CTNNA2: variants seen among roughly 807,000 people sequenced by gnomAD.
CTNNA2 encodes catenin alpha-2.
A neutral mutation model predicts 101.0 loss-of-function variants in CTNNA2; 42 were observed. The ratio of observed to expected loss-of-function variants is 0.42; its 90% confidence interval spans 0.32 to 0.54. The LOEUF (loss-of-function observed/expected upper bound fraction) is 0.54. CTNNA2 is among the 20% of genes least tolerant of loss of function. The probability of loss-of-function intolerance (pLI) is 0.14; values close to 1 mark genes in which losing one functional copy is unlikely to be tolerated. For missense variants in CTNNA2, 871 were observed against 1,223.1 expected (o/e 0.71, Z 4.29); for synonymous variants, 450 against 456.4 (o/e 0.99, Z 0.18).
chr2:79,631,626 AT>A (rs1346304560), intron 1 of CTNNA2, among the ~76,000 whole-genome samples: 1 of 152,212 alleles, frequency 6.6e-6, no homozygotes, highest in Non-Finnish European at 1.5e-5. Context: ...AACTCTCAGT[AT>A]ACAAAAAAGG....
intron 5 of CTNNA2, among the ~76,000 whole-genome samples, chr2:79,507,910 C>T (rs1671448984): frequency 6.6e-6 from 1 of 152,188 alleles, no homozygotes; most frequent in South Asian, 2.1e-4. Context: ...GCTTTTCACC[C>T]AGCACACGCC....
At chr2:80,376,808 A>G (rs1273202901) in intron 7 of CTNNA2, among the ~76,000 whole-genome samples, 1 of 152,146 alleles carries the variant, frequency 6.6e-6, no homozygotes, top group African/African-American at 2.4e-5. Context: ...CCCTTCCTTG[A>G]TATGCCAAGT....
At chr2:80,115,175 G>A (rs1169124911) in intron 7 of CTNNA2, among the ~76,000 whole-genome samples, 2 of 152,206 alleles carry the variant, frequency 1.3e-5, no homozygotes, top group Non-Finnish European at 2.9e-5. Flanking sequence ...TGCTTTGTGA[G>A]CTGCCAGTTT....
chr2:79,716,415 A>G (rs1417219224), intron 2 of CTNNA2, among the ~76,000 whole-genome samples: 2 of 152,082 alleles, frequency 1.3e-5, no homozygotes, highest in African/African-American at 2.4e-5. Context: ...TCCATTAGCT[A>G]TGTAAGCTAT....
At chr2:79,658,694 A>G (rs1261921895) in intron 2 of CTNNA2, among the ~76,000 whole-genome samples, 1 of 151,910 alleles carries the variant, frequency 6.6e-6, no homozygotes, top group Admixed American at 6.6e-5. Context: ...TTTTTTTAAT[A>G]GAAGATGAAC....
At chr2:79,696,710 G>A (rs762091285) in intron 2 of CTNNA2, among the ~76,000 whole-genome samples, 2 of 152,020 alleles carry the variant, frequency 1.3e-5, no homozygotes, top group Non-Finnish European at 2.9e-5. Context: ...AATTGGCAAT[G>A]AAAATGAGAT....
At chr2:79,318,480 G>C (rs1186197446) in intron 3 of CTNNA2, among the ~76,000 whole-genome samples, 1 of 152,168 alleles carries the variant, frequency 6.6e-6, no homozygotes, top group African/African-American at 2.4e-5. Flanking sequence ...AAGAAACATT[G>C]ATTGATGTTG....
At chr2:79,839,872 A>C (rs1468667494) in intron 3 of CTNNA2, among the ~76,000 whole-genome samples, 1 of 152,120 alleles carries the variant, frequency 6.6e-6, no homozygotes, top group African/African-American at 2.4e-5. Flanking sequence ...TGGATTGTTA[A>C]TTCTGCCACT....
chr2:79,318,194 T>C (rs1676540677), intron 3 of CTNNA2, among the ~76,000 whole-genome samples: 1 of 152,160 alleles, frequency 6.6e-6, no homozygotes, highest in Non-Finnish European at 1.5e-5. Flanking sequence ...ACATAATGCA[T>C]GCATATATAA....
intron 1 of CTNNA2, among the ~76,000 whole-genome samples, chr2:79,556,911 T>A (rs748437273): frequency 6.6e-6 from 1 of 152,020 alleles, no homozygotes; most frequent in Non-Finnish European, 1.5e-5. Context: ...TTTGAGTCAC[T>A]TAATTTACCC....
chr2:79,907,175 A>G (rs906886004), intron 6 of CTNNA2, among the ~76,000 whole-genome samples: 6 of 152,188 alleles, frequency 3.9e-5, no homozygotes, highest in Non-Finnish European at 5.9e-5. Flanking sequence ...AGCAGAACAT[A>G]TGGTTTTCAT....
At chr2:80,333,860 T>G (rs1188343789) in intron 7 of CTNNA2, among the ~76,000 whole-genome samples, 5 of 152,212 alleles carry the variant, frequency 3.3e-5, no homozygotes, top group Admixed American at 3.3e-4. Flanking sequence ...TGGCCTCAAG[T>G]GATCCGCCTG....
chr2:79,214,110 G>A (rs1385978274), intron 2 of CTNNA2, among the ~76,000 whole-genome samples: 1 of 152,162 alleles, frequency 6.6e-6, no homozygotes, highest in Admixed American at 6.5e-5. Context: ...GACACAATCA[G>A]CAGGGAGAGC....
At chr2:79,702,360 A>G (rs1259799567) in intron 2 of CTNNA2, among the ~76,000 whole-genome samples, 1 of 152,224 alleles carries the variant, frequency 6.6e-6, no homozygotes, top group Middle Eastern at 3.4e-3. Flanking sequence ...TTCATGTTGT[A>G]TATGGCTACT....
chr2:79,245,254 C>T lies in CTNNA2; in HGVS notation c.-406+47178C>T, dbSNP rs184955988. Among the ~76,000 whole-genome samples the T allele has an allele frequency of 4.6e-5, 7 of 152,242 alleles. No homozygotes were observed. The East Asian group carries it at 7.8e-4, about 17-fold the overall frequency. On this transcript the variant is annotated intron_variant, in intron 2 of 21. Transcript: ENST00000466387. ...TCACCTGAGGTCCAGTGTTCAGGAG[C>T]AGCCTGGCCAACATGCGAAATGCCT...
intron 1 of CTNNA2, among the ~76,000 whole-genome samples, chr2:79,524,160 A>G (rs1672270927): frequency 6.6e-6 from 1 of 152,024 alleles, no homozygotes; most frequent in Non-Finnish European, 1.5e-5. Context: ...TATTTAATTT[A>G]AGATAATTTT....
intron 3 of CTNNA2, among the ~76,000 whole-genome samples, chr2:79,823,833 T>C (rs1349407408): frequency 1.3e-5 from 2 of 152,160 alleles, no homozygotes; most frequent in Non-Finnish European, 2.9e-5. Flanking sequence ...CTCACAAATA[T>C]CACCAATTGC....
At chr2:80,318,229 A>G (rs1678322543) in intron 7 of CTNNA2, among the ~76,000 whole-genome samples, 2 of 152,172 alleles carry the variant, frequency 1.3e-5, no homozygotes, top group Non-Finnish European at 2.9e-5. Context: ...AGAAGTCCAT[A>G]TTAATCCCCT....
At chr2:80,505,048 C>T (rs561221188) in intron 9 of CTNNA2, among the ~76,000 whole-genome samples, 19 of 152,278 alleles carry the variant, frequency 1.2e-4, no homozygotes, top group East Asian at 9.7e-4. Context: ...GCATGCCTTA[C>T]GGAGGCTAAT....
Sources: allele counts gnomAD v4.1 joint callset (sites outside exome capture counted in the v4.1 genomes callset), GRCh38; gene constraint gnomAD v4.1.1; transcripts MANE v1.5; gene names NCBI Gene and HGNC (gene_info 2026-07-23, HGNC 2026-07-21).